SCN2A: variants seen among roughly 807,000 people sequenced by gnomAD.
SCN2A encodes the protein sodium voltage-gated channel alpha subunit 2.
In SCN2A, 20 loss-of-function variants were observed where a neutral mutation model predicts 188.7. That is an observed-to-expected ratio of 0.11 (90% confidence interval 0.07 to 0.15). SCN2A has a LOEUF of 0.15. SCN2A is among the 10% of genes least tolerant of loss of function. The probability of loss-of-function intolerance (pLI) is 1.00; values close to 1 mark genes in which losing one functional copy is unlikely to be tolerated. For synonymous variants in SCN2A, 804 were observed against 833.1 expected (o/e 0.97, Z 0.60); for missense variants, 1,278 against 2,445.0 (o/e 0.52, Z 10.07).
In SCN2A at chr2:165,295,939, A is replaced by G. The variant is rs778773546; in HGVS notation, c.116A>G (p.Gln39Arg). ...GAAGAGAAAGCTAAGAGACCCAAAC[A>G]GGAACGCAAGGATGAGGATGATGAA... ...IAEEKAKRPKQERKDEDDENG... is the reference protein window; with the variant it reads ...IAEEKAKRPKRERKDEDDENG... The change falls in exon 2 of 27, where the codon CAG (glutamine) becomes CGG (arginine). Residue 39 changes from glutamine (Q) to arginine (R), a missense_variant. Transcript: ENST00000375437. The G allele has an allele frequency of 6.2e-7, 1 of 1,614,160 alleles. No individual in the cohort carries two copies. Among genetic ancestry groups the G allele is most frequent in the Non-Finnish European group, 8.5e-7 (1 of 1,180,034 alleles).
chr2:165,272,514 CCTAA>C (rs1356244481), intron 1 of SCN2A: 1 of 151,932 alleles, frequency 6.6e-6, no homozygotes, highest in Admixed American at 6.6e-5. Flanking sequence ...AACCTGCAGA[CCTAA>C]CTGACATTTA....
At chr2:165,268,205 A>C (rs1694957773) in intron 1 of SCN2A, 1 of 151,988 alleles carries the variant, frequency 6.6e-6, no homozygotes, top group Non-Finnish European at 1.5e-5. Context: ...GTATCACCCA[A>C]ATACCAAAAT....
rs1181463960 is a variant in SCN2A at position 165,390,790 on chromosome 2, T to C, written c.*966T>C. On this transcript the variant is annotated 3_prime_UTR_variant, in exon 27 of 27. Transcript: ENST00000375437. ...TCAGTCCTTTCTAAGAAGCCTGAAT[T>C]GACCAAAAAACATCCCCACCACCAC... 1 of 152,614 alleles carries C rather than the reference T, an allele frequency of 6.6e-6. No homozygotes were observed. The highest frequency in any genetic ancestry group is 1.9e-4 in the East Asian group (1 of 5,178). The allele number at this position is 152,614 out of a possible 1,614,324, so 9.5% of individuals were successfully genotyped here. A position where few individuals can be genotyped will look rare whatever the true frequency, so the allele number is the denominator to read the frequency against.
At chr2:165,370,526 T>C (rs1700970064) in intron 20 of SCN2A, 2 of 423,096 alleles carry the variant, frequency 4.7e-6, no homozygotes, top group South Asian at 1.2e-4. Flanking sequence ...ATTCACTTAA[T>C]TTCAAATTAA....
At chr2:165,269,306 T>C (rs965753614) in intron 1 of SCN2A, 4 of 152,078 alleles carry the variant, frequency 2.6e-5, no homozygotes, top group South Asian at 4.1e-4. Flanking sequence ...TAATAAAATA[T>C]TGGATTATTA....
intron 17 of SCN2A, among the ~76,000 whole-genome samples, chr2:165,360,995 G>A (rs953149462): frequency 1.3e-5 from 2 of 151,852 alleles, no homozygotes; most frequent in Admixed American, 6.6e-5. Flanking sequence ...TAGGTTGATC[G>A]TAATTATGAC....
chr2:165,362,424 C>T (rs1179933965), intron 17 of SCN2A, among the ~76,000 whole-genome samples: 1 of 151,872 alleles, frequency 6.6e-6, no homozygotes, highest in Non-Finnish European at 1.5e-5. Flanking sequence ...AAAAAAAACA[C>T]CTCAACATGC....
chr2:165,315,871 T>C, intron 11 of SCN2A, 113 bp downstream of exon 11: 1 of 1,185,660 alleles, frequency 8.4e-7, no homozygotes, highest in Non-Finnish European at 1.2e-6. Context: ...GCTTTCAGAG[T>C]AGTGATGATT....
chr2:165,255,208 A>G (rs1694262010), intron 1 of SCN2A, among the ~76,000 whole-genome samples: 1 of 151,844 alleles, frequency 6.6e-6, no homozygotes. Flanking sequence ...CCATAGGGGT[A>G]TATCAACTGC....
intron 1 of SCN2A, chr2:165,241,135 C>CATGT (rs1693601962): frequency 7.2e-6 from 1 of 138,270 alleles, no homozygotes; most frequent in Non-Finnish European, 1.6e-5. Context: ...ATTCACTGTG[C>CATGT]GTGTGTGTGT....
At chr2:165,382,295 T>C (rs1286168033) in intron 25 of SCN2A, among the ~76,000 whole-genome samples, 1 of 152,056 alleles carries the variant, frequency 6.6e-6, no homozygotes, top group Non-Finnish European at 1.5e-5. Context: ...ACAAATGCAA[T>C]ATAGTTAACA....
intron 14 of SCN2A, among the ~76,000 whole-genome samples, chr2:165,339,482 G>A (rs774471301): frequency 5.9e-5 from 9 of 151,876 alleles, no homozygotes; most frequent in Non-Finnish European, 1.0e-4. Flanking sequence ...TCATCAACAT[G>A]ATCATATTGT....
intron 10 of SCN2A, 72 bp downstream of exon 10, chr2:165,314,180 G>A: frequency 1.4e-6 from 2 of 1,478,988 alleles, no homozygotes; most frequent in Non-Finnish European, 1.9e-6. Context: ...TGAGGTCAGT[G>A]GCAAGGTAGT....
intron 17 of SCN2A, among the ~76,000 whole-genome samples, chr2:165,356,044 T>G (rs1337154844): frequency 6.6e-6 from 1 of 152,050 alleles, no homozygotes; most frequent in Non-Finnish European, 1.5e-5. Context: ...TTTTTCTGTA[T>G]TTATTTGATA....
At chr2:165,246,671 T>C (rs903029897) in intron 1 of SCN2A, among the ~76,000 whole-genome samples, 12 of 152,180 alleles carry the variant, frequency 7.9e-5, no homozygotes, top group Non-Finnish European at 1.5e-4. Context: ...TGTTTTTTTG[T>C]TTGGTTGGTT....
rs1289114075 is a variant in SCN2A, at chr2:165,390,246, C to CT, written c.*427dup. On this transcript the variant is annotated 3_prime_UTR_variant, in exon 27 of 27. Transcript: ENST00000375437. ...CGTGTGCTGTGAATTTATCACTTTT[C>CT]TTTTTAATTCACAGGTTGTTTACTA... The CT allele has an allele frequency of 3.6e-5, 7 of 194,888 alleles. No individual in the cohort carries two copies. The highest frequency in any genetic ancestry group is 1.4e-4 in the African/African-American group (6 of 42,040). 12.1% of individuals were successfully genotyped at this position (194,888 alleles called of 1,614,324 possible).
intron 1 of SCN2A, chr2:165,270,627 C>T (rs752006187): frequency 1.3e-5 from 2 of 152,140 alleles, no homozygotes; most frequent in Non-Finnish European, 2.9e-5. Flanking sequence ...CCCAGGCCAA[C>T]TAATTTTCTC....
chr2:165,296,154 G>A, intron 2 of SCN2A, 64 bp downstream of exon 2: 2 of 1,501,902 alleles, frequency 1.3e-6, no homozygotes, highest in Non-Finnish European at 1.9e-6. Flanking sequence ...TAGTCCCAGG[G>A]ATGATGGTGA....
At chr2:165,273,350 T>C (rs1559329856) in intron 1 of SCN2A, 1 of 152,146 alleles carries the variant, frequency 6.6e-6, no homozygotes, top group Non-Finnish European at 1.5e-5. Flanking sequence ...TTTAGTTTAA[T>C]CCTTAATGAA....
Sources: gnomAD v4.1 joint callset for allele counts (sites outside exome capture counted in the v4.1 genomes callset) on GRCh38, gnomAD v4.1.1 for gene constraint, MANE v1.5 for transcripts, NCBI Gene and HGNC (gene_info 2026-07-23, HGNC 2026-07-21) for gene names.